TBC1D5: variants seen among roughly 807,000 people sequenced by gnomAD.
The protein encoded by TBC1D5 is TBC1 domain family member 5, also known as TBC1 domain family, member 5.
A neutral mutation model predicts 100.3 loss-of-function variants in TBC1D5; 75 were observed. The ratio of observed to expected loss-of-function variants is 0.75; its 90% CI spans 0.62 to 0.91. The LOEUF is 0.91. Ranked by LOEUF, TBC1D5 falls within the 40% of genes least tolerant of loss-of-function variation. The pLI is 0.00. For missense variants in TBC1D5, 910 were observed against 942.4 expected, an observed-to-expected ratio of 0.97 and a Z score of 0.45; for synonymous variants, 323 against 325.6, an observed-to-expected ratio of 0.99 and a Z score of 0.09.
chr3:17,308,266 A>T (rs373584689), intron 13 of TBC1D5, 132 bp from the exon 14 acceptor site: 1 of 838,694 alleles, frequency 1.2e-6, no homozygotes, highest in Non-Finnish European at 1.7e-6. Context: ...AATATAATAT[A>T]GTAAAATCTA....
At chr3:17,437,914 T>C (rs2094566958) in intron 3 of TBC1D5, among the ~76,000 whole-genome samples, 1 of 152,232 alleles carries the variant, frequency 6.6e-6, no homozygotes, top group South Asian at 2.1e-4. Context: ...ATTGGGTATC[T>C]TATATGCCCT....
intron 1 of TBC1D5, among the ~76,000 whole-genome samples, chr3:17,718,331 C>G (rs967849625): frequency 5.3e-5 from 8 of 152,144 alleles, no homozygotes; most frequent in Non-Finnish European, 8.8e-5. Flanking sequence ...CACGGTGGCT[C>G]ACGCCTGTAA....
intron 3 of TBC1D5, chr3:17,465,294 G>T: frequency 6.0e-6 from 1 of 167,090 alleles, no homozygotes; most frequent in South Asian, 1.6e-4. Context: ...AATCTGTCAT[G>T]AGGGAGAGGG....
chr3:17,644,905 T>C (rs1335439630), intron 1 of TBC1D5, among the ~76,000 whole-genome samples: 1 of 152,090 alleles, frequency 6.6e-6, no homozygotes, highest in East Asian at 1.9e-4. Context: ...GACTTCATTT[T>C]TGGGTGAAAA....
intron 2 of TBC1D5, among the ~76,000 whole-genome samples, chr3:17,594,666 A>G (rs189536390): frequency 6.6e-6 from 1 of 152,326 alleles, no homozygotes; most frequent in African/African-American, 2.4e-5. Context: ...ACTTCATATC[A>G]GCATTTAAGT....
intron 2 of TBC1D5, among the ~76,000 whole-genome samples, chr3:17,564,321 C>G (rs1467139948): frequency 5.9e-5 from 9 of 152,138 alleles, no homozygotes; most frequent in Non-Finnish European, 1.3e-4. Context: ...TAGCCATACC[C>G]TATAAAGTGA....
chr3:17,599,480 C>T (rs2060791050), intron 2 of TBC1D5, among the ~76,000 whole-genome samples: 1 of 152,136 alleles, frequency 6.6e-6, no homozygotes, highest in Admixed American at 6.5e-5. Flanking sequence ...CTCCCCATTC[C>T]ACTGAGAGCC....
chr3:17,262,892 A>G, intron 15 of TBC1D5, among the ~76,000 whole-genome samples: 1 of 152,064 alleles, frequency 6.6e-6, no homozygotes, highest in Non-Finnish European at 1.5e-5. Context: ...GCAGAGGAAT[A>G]CCAATTATGT....
intron 15 of TBC1D5, among the ~76,000 whole-genome samples, chr3:17,286,501 G>C (rs978770933): frequency 5.3e-5 from 8 of 152,024 alleles, no homozygotes; most frequent in African/African-American, 1.9e-4. Flanking sequence ...ATTGTTTTTG[G>C]AAATCTGCTT....
chr3:17,498,302 A>G (rs1203431348), intron 3 of TBC1D5, among the ~76,000 whole-genome samples: 1 of 152,168 alleles, frequency 6.6e-6, no homozygotes, highest in Non-Finnish European at 1.5e-5. Flanking sequence ...CAAAACAACT[A>G]TTTGATTAAC....
chr3:17,632,117 G>A (rs1248520655), intron 1 of TBC1D5, among the ~76,000 whole-genome samples: 1 of 152,134 alleles, frequency 6.6e-6, no homozygotes, highest in Non-Finnish European at 1.5e-5. Flanking sequence ...ATGATTCATG[G>A]GAGGAAGTCA....
At chr3:17,391,402 C>T (rs1006674429) in intron 8 of TBC1D5, among the ~76,000 whole-genome samples, 1 of 152,170 alleles carries the variant, frequency 6.6e-6, no homozygotes, top group East Asian at 1.9e-4. Flanking sequence ...TCATGAAACA[C>T]TCCTAAGCCA....
chr3:17,432,836 A>G (rs1421757132), intron 3 of TBC1D5, among the ~76,000 whole-genome samples: 1 of 152,254 alleles, frequency 6.6e-6, no homozygotes, highest in Non-Finnish European at 1.5e-5. Context: ...AAGCAGCATG[A>G]CATCAGCAAG....
intron 4 of TBC1D5, among the ~76,000 whole-genome samples, chr3:17,412,697 ATTTTAGGTAAATCACTTAGGG>A: frequency 1.3e-5 from 2 of 152,278 alleles, no homozygotes; most frequent in South Asian, 4.1e-4. Flanking sequence ...ATGATATAAT[ATTTTAGGTAAATCACTTAGGG>A]TATATATTTT....
intron 1 of TBC1D5, among the ~76,000 whole-genome samples, chr3:17,721,626 T>C (rs1434657491): frequency 1.3e-5 from 2 of 152,062 alleles, no homozygotes; most frequent in Admixed American, 6.6e-5. Context: ...GAACCGAGAT[T>C]GTGCCACTAC....
At chr3:17,670,674 G>A (rs1432521248) in intron 1 of TBC1D5, among the ~76,000 whole-genome samples, 1 of 152,140 alleles carries the variant, frequency 6.6e-6, no homozygotes, top group Non-Finnish European at 1.5e-5. Context: ...TAATTAGTCT[G>A]GGAATAATAA....
At chr3:17,353,931 T>G (rs895975757) in intron 13 of TBC1D5, among the ~76,000 whole-genome samples, 5 of 152,114 alleles carry the variant, frequency 3.3e-5, no homozygotes, top group Non-Finnish European at 7.4e-5. Context: ...CTTGTTTCCC[T>G]CACATATGCT....
chr3:17,720,810 C>CT lies in TBC1D5; in HGVS notation c.-101+18532dup, dbSNP rs60219312. ...AGCCTGAGCAACAGAGTGAGACTTTCTTTTTTTTTTTGACTTTACTTTTTT... is the reference window on the plus strand; with the variant it reads ...AGCCTGAGCAACAGAGTGAGACTTTCTTTTTTTTTTTTGACTTTACTTTTTT... On this transcript the variant is annotated intron_variant, in intron 1 of 21. Coordinates refer to ENST00000253692, the Ensembl canonical transcript of TBC1D5. Among the ~76,000 whole-genome samples, 1,341 of 145,458 alleles carry CT rather than the reference C, an allele frequency of 9.2e-3. 17 individuals carry two copies. The highest frequency in any genetic ancestry group is 0.03 in the African/African-American group (1,202 of 39,780).
At chr3:17,715,201 G>A (rs1204255181) in intron 1 of TBC1D5, among the ~76,000 whole-genome samples, 1 of 152,124 alleles carries the variant, frequency 6.6e-6, no homozygotes, top group Non-Finnish European at 1.5e-5. Flanking sequence ...GGAATACTGG[G>A]CATTGATCTC....
Sources: allele counts gnomAD v4.1 joint callset (sites outside exome capture counted in the v4.1 genomes callset), GRCh38; gene constraint gnomAD v4.1.1; transcripts MANE v1.5; gene names NCBI Gene and HGNC (gene_info 2026-07-23, HGNC 2026-07-21).